Variants in ZZEF1 observed in about 807,000 individuals in gnomAD.
The protein encoded by ZZEF1 is zinc finger ZZ-type and EF-hand domain-containing protein 1.
A neutral mutation model predicts 342.8 loss-of-function variants in ZZEF1; 157 were observed. The observed-to-expected ratio is 0.46, with a 90% CI of 0.40 to 0.52. ZZEF1 has a LOEUF of 0.52. Ranked by LOEUF, ZZEF1 falls within the 20% of genes least tolerant of loss-of-function variation. The probability of loss-of-function intolerance (pLI) is 0.00; values close to 1 mark genes in which losing one functional copy is unlikely to be tolerated. For missense variants in ZZEF1, 3,480 were observed against 3,725.6 expected (o/e 0.93, Z 1.72); for synonymous variants, 1,505 against 1,429.1 (o/e 1.05, Z -1.20).
At chr17:4,116,881 A>C in intron 3 of ZZEF1, 91 bp downstream of exon 3, 1 of 1,313,580 alleles carries the variant, frequency 7.6e-7, no homozygotes, top group Non-Finnish European at 1.0e-6. Flanking sequence ...TTCAGAAATG[A>C]AGGCAGGGAA....
rs139348283 is a variant in ZZEF1 at position 4,042,498 on chromosome 17, T to C, written c.6237A>G (p.Gln2079=). The C allele has an allele frequency of 2.3e-5, 37 of 1,614,014 alleles. 1 individual carries two copies. The African/African-American group carries it at 4.5e-4, about 20-fold the overall frequency. ...EEKAVTPSPE[Q]VFAECSQKRI... The stretch of plus-strand genomic sequence containing the variant: ...TCTTCTGGGAACACTCAGCAAACAC[T>C]TGCTCAGGGCTTGGAGTAACTGCTT... Residue 2079 remains glutamine (Q), a synonymous_variant, in exon 39 of 55, where the codon CAA becomes CAG. Transcript: ENST00000381638.
intron 10 of ZZEF1, among the ~76,000 whole-genome samples, chr17:4,096,236 T>G (rs1405782065): frequency 6.6e-6 from 1 of 152,102 alleles, no homozygotes; most frequent in Admixed American, 6.5e-5. Flanking sequence ...GCTACAGGCC[T>G]GACACAGAGT....
chr17:4,032,171 T>C lies in ZZEF1; in HGVS notation c.6847A>G (p.Asn2283Asp). ...TTGACATCAACAATCACAGCCCTGT[T>C]CTTCTCAGTAAAGTGCTTCAAGATG... ...VIILKHFTEK[N>D]RAVIVDVKTR... Residue 2283 changes from asparagine to aspartate, a missense_variant, in exon 42 of 55, where the codon AAC becomes GAC. Physicochemically the swap from Asn to Asp is conservative, Grantham distance 23 (BLOSUM62 1). Transcript: ENST00000381638. 1 of 1,614,092 alleles carries C rather than the reference T, an allele frequency of 6.2e-7. No homozygotes were observed. Among genetic ancestry groups the C allele is most frequent in the Non-Finnish European group, 8.5e-7 (1 of 1,179,998 alleles).
chr17:4,053,879 G>C lies in ZZEF1; in HGVS notation c.5434+178C>G, dbSNP rs567888812. ...AGAAGGAAGCACGACAGATATTAGG[G>C]CTGTGGAGCTTTTCATTTAGTTGAG... is the stretch of plus-strand genomic sequence containing the variant. On this transcript the variant is annotated intron_variant, in intron 34 of 54. Coordinates refer to ENST00000381638, the MANE Select transcript of ZZEF1 (RefSeq NM_015113.4). Among the ~76,000 whole-genome samples the C allele has an allele frequency of 4.5e-4, 69 of 152,324 alleles. No homozygotes were observed. The South Asian group carries it at 0.014, about 32-fold the overall frequency.
Position 4,104,643 on chromosome 17 carries a change from G to T in ZZEF1, c.1563C>A (p.Leu521=). 6.2e-7 allele frequency: 1 copy of T among 1,613,682 alleles called. No individual in the cohort carries two copies. The highest frequency in any genetic ancestry group is 8.5e-7 in the Non-Finnish European group (1 of 1,179,898). The change falls in exon 8 of 55, where the codon CTC becomes CTA. Residue 521 remains leucine, a synonymous_variant. Transcript: ENST00000381638. ...TTTTACCATATTTACCATATTTGAG[G>T]AGCAGGTTCTGTCTGACTGACGCCA... The part of the protein sequence containing the change: ...LSMASVRQNL[L]LKYGKPLQLT...
intron 42 of ZZEF1, among the ~76,000 whole-genome samples, chr17:4,027,288 T>TC (rs1567773176): frequency 8.2e-6 from 1 of 121,270 alleles, no homozygotes. Context: ...ATATCTCACT[T>TC]TTTTTTTTTT....
intron 41 of ZZEF1, among the ~76,000 whole-genome samples, chr17:4,032,616 T>C (rs996661056): frequency 2.6e-5 from 4 of 152,226 alleles, no homozygotes; most frequent in Admixed American, 1.3e-4. Flanking sequence ...TGGCTATAAA[T>C]GAATCAAATG....
Position 4,105,815 on chromosome 17 carries a change from A to T in ZZEF1, c.1278-6T>A. The T allele has an allele frequency of 1.3e-6, 2 of 1,593,100 alleles. No individual in the cohort carries two copies. The highest frequency in any genetic ancestry group is 2.3e-5 in the South Asian group (2 of 87,220). On this transcript the variant is annotated splice_region_variant and splice_polypyrimidine_tract_variant and intron_variant, in intron 6 of 54. Transcript: ENST00000381638. ...GCATGTGCCGCAGCGCCTTCCTAGA[A>T]GAGGAAAATGTAAAATGTAATCAGA...
intron 53 of ZZEF1, 163 bp downstream of exon 53, chr17:4,009,440 TG>T: frequency 2.1e-6 from 2 of 965,580 alleles, no homozygotes; most frequent in Non-Finnish European, 3.1e-6. Context: ...TTCCCAGGCC[TG>T]GGAGAGGCGA....
In ZZEF1 at chr17:4,064,701, G is replaced by T; in HGVS notation, c.4378C>A (p.Gln1460Lys). ...TCTTCCACCACAGAGCTTGTCCTCT[G>T]ACGCTTGTTGAGTGGCTGGAGATGA... ...TSHLQPLNKRQRTSSVVEEHF... is the reference protein window; with the variant it reads ...TSHLQPLNKRKRTSSVVEEHF... The change falls in exon 29 of 55, where the codon CAG (glutamine) becomes AAG (lysine). Residue 1460 changes from glutamine (Q) to lysine (K), a missense_variant. By Grantham distance (53) the Gln-to-Lys change is moderately conservative. Around this residue, in one of 5 missense-constraint regions of ZZEF1, gnomAD observed 1,528 missense variants for 1,624.1 expected, o/e 0.94. Coordinates refer to ENST00000381638, the MANE Select transcript of ZZEF1 (RefSeq NM_015113.4). 6.2e-7 allele frequency: 1 copy of T among 1,614,196 alleles called. No individual in the cohort carries two copies. The highest frequency in any genetic ancestry group is 1.1e-5 in the South Asian group (1 of 91,092).
Position 4,016,348 on chromosome 17 carries a change from G to A in ZZEF1, c.8120C>T (p.Pro2707Leu). 2 of 1,614,114 alleles carry A rather than the reference G, an allele frequency of 1.2e-6. No individual in the cohort carries two copies. Among genetic ancestry groups the A allele is most frequent in the Non-Finnish European group, 1.7e-6 (2 of 1,180,022 alleles). ...CTCGAAGTTGGTGTTGTTGTTATAC[G>A]GGTGTTTCGACTCCCTCACTTGCAC... ...MEVQVRESKHPYNNNTNFEDK... is the reference protein window; with the variant it reads ...MEVQVRESKHLYNNNTNFEDK... The change falls in exon 49 of 55, where the codon CCG (proline) becomes CTG (leucine). Residue 2707 changes from proline (P) to leucine (L), a missense_variant. Pro to Leu is a moderately conservative substitution (Grantham distance 98, BLOSUM62 -3). Transcript: ENST00000381638. The surrounding 1 kb of genome is among the most constrained non-coding windows in gnomAD (Gnocchi z 4.4).
intron 16 of ZZEF1, among the ~76,000 whole-genome samples, chr17:4,085,332 C>T (rs746811653): frequency 2.0e-5 from 3 of 152,078 alleles, no homozygotes; most frequent in Admixed American, 6.6e-5. Context: ...ATTCACTATA[C>T]TATTTAGTTA....
At chr17:4,072,489 A>C in intron 25 of ZZEF1, 119 bp downstream of exon 25, 1 of 1,259,220 alleles carries the variant, frequency 7.9e-7, no homozygotes, top group Non-Finnish European at 1.1e-6. Flanking sequence ...TTCTGGCCTC[A>C]AGGAGCTAAC....
chr17:4,090,785 G>A lies in ZZEF1; in HGVS notation c.1959C>T (p.Gly653=). The change falls in exon 12 of 55, where the codon GGC becomes GGT. Residue 653 remains glycine, a synonymous_variant. Coordinates refer to ENST00000381638, the MANE Select transcript of ZZEF1 (RefSeq NM_015113.4). ...CCCATTCTTCTTCCAGTTCAAACCA[G>A]CCAATAGGATCATCCTCTCCAAGGT... The part of the protein sequence containing the change: ...SDDLGEDDPI[G]WFELEEEWDE... 6.2e-7 allele frequency: 1 copy of A among 1,614,104 alleles called. No homozygotes were observed. Among genetic ancestry groups the A allele is most frequent in the Non-Finnish European group, 8.5e-7 (1 of 1,180,020 alleles).
At chr17:4,140,987 C>T (rs1295384398) in intron 1 of ZZEF1, among the ~76,000 whole-genome samples, 4 of 151,422 alleles carry the variant, frequency 2.6e-5, no homozygotes, top group South Asian at 2.1e-4. Context: ...CAGCTCACTG[C>T]AACCTCCGCC....
At chr17:4,102,240 CAA>C (rs2058138906) in intron 9 of ZZEF1, 75 bp downstream of exon 9, 3 of 1,327,970 alleles carry the variant, frequency 2.3e-6, no homozygotes, top group South Asian at 2.5e-5. Flanking sequence ...TCAAACATTT[CAA>C]AGTCTGGAGT....
At chr17:4,087,317 G>C in intron 14 of ZZEF1, 117 bp downstream of exon 14, 1 of 690,438 alleles carries the variant, frequency 1.4e-6, no homozygotes, top group Non-Finnish European at 2.4e-6. Context: ...ATTTTAAATC[G>C]AACCATAAAC....
chr17:4,005,231 C>T lies in ZZEF1; in HGVS notation c.*1659G>A, dbSNP rs1258245705. The T allele has an allele frequency of 1.3e-5, 2 of 152,604 alleles. No homozygotes were observed. Among genetic ancestry groups the T allele is most frequent in the Non-Finnish European group, 2.9e-5 (2 of 68,354 alleles). The allele number at this position is 152,604 out of a possible 1,614,324, so 9.5% of individuals were successfully genotyped here. ...AGGGATGAAGAAGGTGGGGCCTTCT[C>T]TGGGGTGGTGCAGGCAGCTCCCAAA... is the stretch of plus-strand genomic sequence containing the variant. On this transcript the variant is annotated 3_prime_UTR_variant, in exon 55 of 55. Coordinates refer to ENST00000381638, the MANE Select transcript of ZZEF1 (RefSeq NM_015113.4).
At chr17:4,125,295 CCTCT>C (rs1567863627) in intron 1 of ZZEF1, among the ~76,000 whole-genome samples, 1 of 152,126 alleles carries the variant, frequency 6.6e-6, no homozygotes, top group African/African-American at 2.4e-5. Context: ...TCCAAGTAAC[CCTCT>C]CTCTTTCTTA....
Sources: allele counts gnomAD v4.1 joint callset (sites outside exome capture counted in the v4.1 genomes callset), GRCh38; gene constraint gnomAD v4.1.1; regional missense constraint gnomAD v4.1.1; non-coding constraint Gnocchi (gnomAD v3.1); transcripts MANE v1.5; gene names NCBI Gene and HGNC (gene_info 2026-07-23, HGNC 2026-07-21).